Variants in TRABD2B observed in about 807,000 individuals in gnomAD.
TRABD2B encodes metalloprotease TIKI2.
TRABD2B carries 14 observed loss-of-function variants against 40.1 expected under a neutral mutation model. The ratio of observed to expected loss-of-function variants is 0.35; its 90% CI spans 0.23 to 0.55. The LOEUF is 0.55. Ranked by LOEUF, TRABD2B falls within the 20% of genes least tolerant of loss-of-function variation. The pLI is 0.90. For missense variants in TRABD2B, 541 were observed against 648.6 expected (o/e 0.83, Z 1.80); for synonymous variants, 263 against 277.0 (o/e 0.95, Z 0.50).
intron 2 of TRABD2B, among the ~76,000 whole-genome samples, chr1:47,937,332 ATCATGATCATCATCATCACCACCACCG>A (rs1365451186): frequency 4.2e-4 from 64 of 151,870 alleles, no homozygotes; most frequent in Non-Finnish European, 8.5e-4. Context: ...CACCACCACC[ATCATGATCATCATCATCACCACCACCG>A]TCATGATCAT....
chr1:47,806,344 A>G (rs529362709), intron 2 of TRABD2B, among the ~76,000 whole-genome samples: 1 of 152,166 alleles, frequency 6.6e-6, no homozygotes, highest in Non-Finnish European at 1.5e-5. Flanking sequence ...TTTATAATGA[A>G]GCGCCTGGCC....
intron 2 of TRABD2B, among the ~76,000 whole-genome samples, chr1:47,961,483 C>T (rs567463139): frequency 6.6e-6 from 1 of 152,266 alleles, no homozygotes; most frequent in African/African-American, 2.4e-5. Context: ...GGCTAATATC[C>T]AGAATCTACA....
intron 2 of TRABD2B, among the ~76,000 whole-genome samples, chr1:47,844,385 A>T (rs1008502763): frequency 6.6e-6 from 1 of 152,210 alleles, no homozygotes; most frequent in African/African-American, 2.4e-5. Flanking sequence ...GCTGGCTGGC[A>T]GCCCAGCTTG....
intron 2 of TRABD2B, among the ~76,000 whole-genome samples, chr1:47,927,872 C>T (rs13374204): frequency 0.021 from 3,178 of 152,252 alleles, 126 homozygotes; most frequent in African/African-American, 0.072. Flanking sequence ...AAGACCTCTG[C>T]TTCTCTCCCC....
Position 47,914,352 on chromosome 1 carries a change from A to G in TRABD2B, c.666+79682T>C, listed in dbSNP as rs76276511. Among the ~76,000 whole-genome samples, 23 of 152,356 alleles carry G rather than the reference A, an allele frequency of 1.5e-4. 1 individual carries two copies. In the East Asian group the frequency reaches 4.4e-3, roughly 29 times the overall value. On this transcript the variant is annotated intron_variant, in intron 2 of 6. Transcript: ENST00000606738. The stretch of plus-strand genomic sequence containing the variant: ...GCTCACAAGCACAAGTGTTTTTCTT[A>G]GGGAGTTTCCTCCCCCTCAGCTATT...
intron 3 of TRABD2B, among the ~76,000 whole-genome samples, chr1:47,800,880 T>C (rs1644813573): frequency 1.3e-5 from 2 of 152,094 alleles, no homozygotes; most frequent in Non-Finnish European, 2.9e-5. Context: ...GCAAGGTCTG[T>C]AGGGTGGAGG....
intron 2 of TRABD2B, among the ~76,000 whole-genome samples, chr1:47,903,483 T>C (rs1487005504): frequency 1.3e-5 from 2 of 152,030 alleles, no homozygotes; most frequent in Non-Finnish European, 2.9e-5. Flanking sequence ...GAGAAGGAGC[T>C]TTGTCTGCAC....
chr1:47,950,019 C>T (rs1645318184), intron 2 of TRABD2B, among the ~76,000 whole-genome samples: 2 of 152,148 alleles, frequency 1.3e-5, no homozygotes, highest in South Asian at 4.1e-4. Context: ...GGCACAGTGG[C>T]TCACGCCTGT....
At chr1:47,880,595 A>G (rs1223935689) in intron 2 of TRABD2B, among the ~76,000 whole-genome samples, 1 of 152,100 alleles carries the variant, frequency 6.6e-6, no homozygotes, top group Non-Finnish European at 1.5e-5. Flanking sequence ...CATCAAGGGG[A>G]ACTGTCCGGG....
intron 2 of TRABD2B, among the ~76,000 whole-genome samples, chr1:47,900,728 C>T (rs1644589110): frequency 6.6e-6 from 1 of 152,086 alleles, no homozygotes; most frequent in Non-Finnish European, 1.5e-5. Flanking sequence ...CGACTATGGC[C>T]GGGGTCGGGG....
intron 2 of TRABD2B, among the ~76,000 whole-genome samples, chr1:47,839,530 ACCT>A (rs1645366167): frequency 6.6e-6 from 1 of 152,094 alleles, no homozygotes; most frequent in African/African-American, 2.4e-5. Flanking sequence ...TAGTGGATCA[ACCT>A]CCTCTCTGGA....
At chr1:47,934,277 C>T (rs541315475) in intron 2 of TRABD2B, among the ~76,000 whole-genome samples, 1 of 152,366 alleles carries the variant, frequency 6.6e-6, no homozygotes, top group South Asian at 2.1e-4. Flanking sequence ...AGGCTGACCT[C>T]ACACCTATGC....
chr1:47,860,249 G>A (rs1449944259), intron 2 of TRABD2B, among the ~76,000 whole-genome samples: 1 of 152,192 alleles, frequency 6.6e-6, no homozygotes, highest in Non-Finnish European at 1.5e-5. Context: ...CTCAGCTGAA[G>A]GCTGCTTTCT....
intron 2 of TRABD2B, among the ~76,000 whole-genome samples, chr1:47,832,712 G>A (rs1225686593): frequency 6.6e-6 from 1 of 152,174 alleles, no homozygotes; most frequent in African/African-American, 2.4e-5. Flanking sequence ...TTGACGCTGG[G>A]TGCTAGGGGC....
chr1:47,843,545 G>A (rs558203677), intron 2 of TRABD2B, among the ~76,000 whole-genome samples: 8 of 152,170 alleles, frequency 5.3e-5, no homozygotes, highest in African/African-American at 1.7e-4. Flanking sequence ...ACAACCAGAC[G>A]GAGTGTCAGG....
At chr1:47,995,523 C>CGT (rs1015285272) in intron 1 of TRABD2B, among the ~76,000 whole-genome samples, 3 of 149,904 alleles carry the variant, frequency 2.0e-5, no homozygotes, top group Non-Finnish European at 4.4e-5. Flanking sequence ...TGTGTGTGCG[C>CGT]GTGTGTGTGT....
At chr1:47,840,115 GGTCTCTGGACCAGGACCATGA>G (rs1267588894) in intron 2 of TRABD2B, among the ~76,000 whole-genome samples, 1 of 152,084 alleles carries the variant, frequency 6.6e-6, no homozygotes, top group African/African-American at 2.4e-5. Flanking sequence ...GGAGGATCTT[GGTCTCTGGACCAGGACCATGA>G]GTCCTGGTCA....
At chr1:47,810,223 G>C (rs1319080717) in intron 2 of TRABD2B, among the ~76,000 whole-genome samples, 1 of 151,890 alleles carries the variant, frequency 6.6e-6, no homozygotes, top group African/African-American at 2.4e-5. Flanking sequence ...AATTTTTTTA[G>C]AGTTGGGGCC....
intron 2 of TRABD2B, among the ~76,000 whole-genome samples, chr1:47,842,922 G>C (rs1268341939): frequency 6.6e-6 from 1 of 152,170 alleles, no homozygotes; most frequent in African/African-American, 2.4e-5. Context: ...AGCTTCACTG[G>C]GATGGGGATG....
Sources: gnomAD v4.1 joint callset for allele counts (sites outside exome capture counted in the v4.1 genomes callset) on GRCh38, gnomAD v4.1.1 for gene constraint, MANE v1.5 for transcripts, NCBI Gene and HGNC (gene_info 2026-07-23, HGNC 2026-07-21) for gene names.